SBF2: variants seen among roughly 807,000 people sequenced by gnomAD.
The protein encoded by SBF2 is SET binding factor 2.
Under a neutral mutation model 225.2 loss-of-function variants are expected in SBF2, and 112 were observed. The ratio of observed to expected loss-of-function variants is 0.50; its 90% CI spans 0.43 to 0.58. The LOEUF (loss-of-function observed/expected upper bound fraction) is 0.58, where lower values mean the gene tolerates loss of function less well. Ranked by LOEUF, SBF2 falls within the 20% of genes least tolerant of loss-of-function variation. The probability of loss-of-function intolerance (pLI) is 0.00; values close to 1 mark genes in which losing one functional copy is unlikely to be tolerated. For synonymous variants in SBF2, 763 were observed against 773.3 expected (o/e 0.99, Z 0.22); for missense variants, 1,996 against 2,206.2 (o/e 0.90, Z 1.91).
chr11:9,833,543 C>T (rs185358708), intron 26 of SBF2, among the ~76,000 whole-genome samples: 4 of 151,430 alleles, frequency 2.6e-5, no homozygotes, highest in African/African-American at 9.7e-5. Context: ...GCCTCAGCCT[C>T]CCGAGTAGCT....
chr11:10,184,376 A>G (rs1378863527), intron 2 of SBF2, among the ~76,000 whole-genome samples: 1 of 152,194 alleles, frequency 6.6e-6, no homozygotes, highest in African/African-American at 2.4e-5. Context: ...GTTTTTGGCT[A>G]CTTGCTATAA....
chr11:10,233,065 T>C (rs904619868), intron 1 of SBF2, among the ~76,000 whole-genome samples: 1 of 152,210 alleles, frequency 6.6e-6, no homozygotes, highest in Non-Finnish European at 1.5e-5. Context: ...CACCTCCCTT[T>C]TAAGGAAATA....
chr11:10,285,348 G>C (rs887881632), intron 1 of SBF2, among the ~76,000 whole-genome samples: 2 of 151,748 alleles, frequency 1.3e-5, no homozygotes, highest in Non-Finnish European at 1.5e-5. Context: ...GGAAGAGAGG[G>C]GAGAGGGGAG....
At chr11:10,019,112 A>C (rs1352542617) in intron 6 of SBF2, among the ~76,000 whole-genome samples, 2 of 152,156 alleles carry the variant, frequency 1.3e-5, no homozygotes, top group Admixed American at 1.3e-4. Flanking sequence ...TGATTTGTTC[A>C]TCTTTATATC....
intron 32 of SBF2, among the ~76,000 whole-genome samples, chr11:9,807,464 G>T (rs1243694556): frequency 1.3e-5 from 2 of 152,230 alleles, no homozygotes; most frequent in African/African-American, 4.8e-5. Flanking sequence ...CATTGCAAAA[G>T]ACATGATTTC....
intron 1 of SBF2, among the ~76,000 whole-genome samples, chr11:10,261,542 G>C (rs951418319): frequency 1.3e-5 from 2 of 151,940 alleles, no homozygotes; most frequent in Admixed American, 1.3e-4. Context: ...GACATAAGAT[G>C]GTATACCACT....
intron 2 of SBF2, among the ~76,000 whole-genome samples, chr11:10,097,696 G>C (rs1952086345): frequency 6.6e-6 from 1 of 151,948 alleles, no homozygotes; most frequent in African/African-American, 2.4e-5. Flanking sequence ...CACCCCAGTA[G>C]AAAAAAAGCT....
intron 2 of SBF2, among the ~76,000 whole-genome samples, chr11:10,158,602 CCTA>C (rs1366387837): frequency 6.6e-6 from 1 of 152,062 alleles, no homozygotes; most frequent in Non-Finnish European, 1.5e-5. Flanking sequence ...AAACATAAAA[CCTA>C]CTAACACTGA....
chr11:9,900,524 T>C (rs1564975549), intron 16 of SBF2, among the ~76,000 whole-genome samples: 1 of 152,102 alleles, frequency 6.6e-6, no homozygotes, highest in African/African-American at 2.4e-5. Flanking sequence ...CCCTAGCCAA[T>C]AGGGGAAGGA....
intron 19 of SBF2, among the ~76,000 whole-genome samples, chr11:9,854,524 GGC>G (rs1186792110): frequency 6.6e-6 from 1 of 152,140 alleles, no homozygotes; most frequent in Non-Finnish European, 1.5e-5. Context: ...CAGAGACTAT[GGC>G]CATCAACATG....
intron 9 of SBF2, among the ~76,000 whole-genome samples, chr11:9,995,901 C>T (rs2134484937): frequency 6.6e-6 from 1 of 150,728 alleles, no homozygotes. Context: ...CTCAGATGAT[C>T]CGCCCGCCTC....
At chr11:10,213,173 CTTT>C (rs1381905444) in intron 1 of SBF2, among the ~76,000 whole-genome samples, 1 of 152,144 alleles carries the variant, frequency 6.6e-6, no homozygotes, top group Non-Finnish European at 1.5e-5. Context: ...CAGTACAGTA[CTTT>C]TTAAGGATGC....
chr11:9,857,849 C>CT (rs1857431914), intron 18 of SBF2, among the ~76,000 whole-genome samples: 1 of 152,050 alleles, frequency 6.6e-6, no homozygotes, highest in Admixed American at 6.6e-5. Context: ...TTTAATACAA[C>CT]TACCAAATTT....
chr11:10,274,823 G>C (rs1215305812), intron 1 of SBF2, among the ~76,000 whole-genome samples: 1 of 150,934 alleles, frequency 6.6e-6, no homozygotes, highest in Non-Finnish European at 1.5e-5. Context: ...ATTGTGATAA[G>C]ATCTGTAGAG....
At chr11:10,085,812 CTT>C (rs1261040316) in intron 2 of SBF2, among the ~76,000 whole-genome samples, 1 of 151,986 alleles carries the variant, frequency 6.6e-6, no homozygotes, top group Non-Finnish European at 1.5e-5. Flanking sequence ...ACCTGTCTGT[CTT>C]TGTCTTTCAT....
intron 2 of SBF2, among the ~76,000 whole-genome samples, chr11:10,134,971 C>A (rs760734192): frequency 3.9e-5 from 6 of 152,390 alleles, no homozygotes; most frequent in Non-Finnish European, 8.8e-5. Flanking sequence ...CCCTTTTGCA[C>A]TGCCCTAGCA....
intron 2 of SBF2, among the ~76,000 whole-genome samples, chr11:10,110,264 A>T (rs1365684010): frequency 6.6e-6 from 1 of 152,224 alleles, no homozygotes; most frequent in Non-Finnish European, 1.5e-5. Flanking sequence ...TAAATTAACC[A>T]AACTACATAT....
intron 16 of SBF2, among the ~76,000 whole-genome samples, chr11:9,933,755 G>T (rs1349989623): frequency 1.3e-5 from 2 of 152,012 alleles, no homozygotes; most frequent in African/African-American, 2.4e-5. Context: ...AAGAACTAAA[G>T]AAGCAAGAGC....
chr11:10,219,927 C>G (rs1265804300), intron 1 of SBF2, among the ~76,000 whole-genome samples: 1 of 152,188 alleles, frequency 6.6e-6, no homozygotes, highest in Non-Finnish European at 1.5e-5. Context: ...TTCTTCTGAG[C>G]CCTCTAAACT....
Sources: allele counts gnomAD v4.1 joint callset (sites outside exome capture counted in the v4.1 genomes callset), GRCh38; gene constraint gnomAD v4.1.1; transcripts MANE v1.5; gene names NCBI Gene and HGNC (gene_info 2026-07-23, HGNC 2026-07-21).